Variants in ARFGEF3 observed in about 807,000 individuals in gnomAD.
ARFGEF3 encodes brefeldin A-inhibited guanine nucleotide-exchange protein 3.
A neutral mutation model predicts 221.7 loss-of-function variants in ARFGEF3; 96 were observed. The observed-to-expected ratio is 0.43, with a 90% CI of 0.37 to 0.51. The LOEUF is 0.51. Ranked by LOEUF, ARFGEF3 falls within the 20% of genes least tolerant of loss-of-function variation. The pLI, the probability that ARFGEF3 is intolerant of heterozygous loss-of-function variation, is 0.00. For synonymous variants in ARFGEF3, 1,145 were observed against 1,126.8 expected (o/e 1.02, Z -0.32); for missense variants, 2,410 against 2,789.9 (o/e 0.86, Z 3.07).
At chr6:138,269,807 CA>C (rs1163469863) in intron 12 of ARFGEF3, among the ~76,000 whole-genome samples, 1 of 148,864 alleles carries the variant, frequency 6.7e-6, no homozygotes, top group African/African-American at 2.6e-5. Flanking sequence ...AACCCTATCT[CA>C]AAAAAAGAAG....
chr6:138,334,701 C>A lies in ARFGEF3; in HGVS notation c.5855C>A (p.Thr1952Asn). 6.2e-7 allele frequency: 1 copy of A among 1,610,702 alleles called. No individual in the cohort carries two copies. The highest frequency in any genetic ancestry group is 8.5e-7 in the Non-Finnish European group (1 of 1,177,360). ...SFQSESSTPS[T>N]GGFSGKETPS... is the part of the protein sequence containing the mutation. ...CAGTCCGAGTCATCCACCCCATCCA[C>A]CGGGGGCTTCTCTGGGAAAGAAACC... is the stretch of plus-strand genomic sequence containing the variant. Residue 1952 changes from threonine to asparagine, a missense_variant, in exon 33 of 34, where the codon ACC becomes AAC. Transcript: ENST00000251691. This position sits in a 1 kb window ranked among gnomAD's most constrained non-coding sequence, Gnocchi z 5.1.
chr6:138,292,165 T>C (rs961947091), intron 19 of ARFGEF3, 112 bp downstream of exon 19: 2 of 892,352 alleles, frequency 2.2e-6, no homozygotes, highest in Non-Finnish European at 3.1e-6. Flanking sequence ...ATCACTTAAA[T>C]CTCTTCCATC....
At chr6:138,226,870 T>C (rs1454496372) in intron 4 of ARFGEF3, among the ~76,000 whole-genome samples, 1 of 152,232 alleles carries the variant, frequency 6.6e-6, no homozygotes, top group African/African-American at 2.4e-5. Flanking sequence ...CCTGGCTAGA[T>C]GCTCTGCCCT....
chr6:138,282,800 G>A (rs1000687650), intron 14 of ARFGEF3, among the ~76,000 whole-genome samples: 1 of 152,204 alleles, frequency 6.6e-6, no homozygotes, highest in Non-Finnish European at 1.5e-5. Flanking sequence ...AATAATCCTA[G>A]GACTTTGGGA....
At chr6:138,182,262 A>G (rs1777090861) in intron 2 of ARFGEF3, among the ~76,000 whole-genome samples, 2 of 152,216 alleles carry the variant, frequency 1.3e-5, no homozygotes, top group African/African-American at 4.8e-5. Flanking sequence ...TTGACTTAAT[A>G]CAGAAGATTT....
intron 2 of ARFGEF3, among the ~76,000 whole-genome samples, chr6:138,198,548 GACC>G (rs1777474384): frequency 6.6e-6 from 1 of 152,114 alleles, no homozygotes; most frequent in Non-Finnish European, 1.5e-5. Context: ...AAATGTAAAG[GACC>G]CATATTCATT....
At chr6:138,167,466 T>G (rs1406164429) in intron 1 of ARFGEF3, among the ~76,000 whole-genome samples, 3 of 152,200 alleles carry the variant, frequency 2.0e-5, no homozygotes, top group Non-Finnish European at 4.4e-5. Flanking sequence ...CTGTGTGTTC[T>G]TCCCCACCTC....
intron 12 of ARFGEF3, among the ~76,000 whole-genome samples, chr6:138,266,437 C>G (rs1475154722): frequency 6.6e-6 from 1 of 152,016 alleles, no homozygotes; most frequent in Non-Finnish European, 1.5e-5. Flanking sequence ...TGAGGCCTCA[C>G]TATGTTGTTC....
chr6:138,206,115 T>C (rs1291644664), intron 2 of ARFGEF3, among the ~76,000 whole-genome samples: 37 of 152,314 alleles, frequency 2.4e-4, no homozygotes, highest in Non-Finnish European at 2.9e-5. Context: ...CCTACTCTGG[T>C]TTAAGTGGGG....
chr6:138,172,985 C>T (rs1376216022), intron 2 of ARFGEF3, among the ~76,000 whole-genome samples: 1 of 152,052 alleles, frequency 6.6e-6, no homozygotes, highest in African/African-American at 2.4e-5. Context: ...TTACTTTAAA[C>T]ATACTTTATC....
chr6:138,270,039 G>T (rs762143118), intron 12 of ARFGEF3, among the ~76,000 whole-genome samples: 19 of 152,186 alleles, frequency 1.2e-4, no homozygotes, highest in Non-Finnish European at 2.4e-4. Context: ...TATAGTCTGA[G>T]CAAGAAGGAA....
At position 138,296,886 on chromosome 6, in the gene ARFGEF3, G is replaced by A. The variant is rs112705767; in HGVS notation, c.3579G>A (p.Val1193=). 1 of 1,614,036 alleles carries A rather than the reference G, an allele frequency of 6.2e-7. No individual in the cohort carries two copies. The highest frequency in any genetic ancestry group is 8.5e-7 in the Non-Finnish European group (1 of 1,179,894). The change falls in exon 21 of 34, where the codon GTG becomes GTA. Residue 1193 remains valine, a synonymous_variant. Transcript: ENST00000251691. ...TGGGGAATGCCATGCTGAGGATTGT[G>A]CGGAGCAAAGCACGGCCCCTGCTCC... The part of the protein sequence containing the change: ...FRLGNAMLRI[V]RSKARPLLHV...
chr6:138,176,105 C>T (rs1429693241), intron 2 of ARFGEF3, among the ~76,000 whole-genome samples: 1 of 152,062 alleles, frequency 6.6e-6, no homozygotes, highest in Non-Finnish European at 1.5e-5. Context: ...TCTTTTCCCA[C>T]CTCTGTACTT....
chr6:138,242,546 G>A (rs1778411390), intron 6 of ARFGEF3, among the ~76,000 whole-genome samples: 1 of 152,196 alleles, frequency 6.6e-6, no homozygotes, highest in South Asian at 2.1e-4. Context: ...GCCACGCACA[G>A]TATCAGCTGT....
At chr6:138,238,270 G>A (rs901690997) in intron 5 of ARFGEF3, among the ~76,000 whole-genome samples, 1 of 152,162 alleles carries the variant, frequency 6.6e-6, no homozygotes, top group African/African-American at 2.4e-5. Context: ...CCCCTATGAT[G>A]CTCAGAGGAA....
At chr6:138,185,794 C>A (rs1777171728) in intron 2 of ARFGEF3, among the ~76,000 whole-genome samples, 1 of 152,156 alleles carries the variant, frequency 6.6e-6, no homozygotes, top group Admixed American at 6.5e-5. Context: ...ACCTTGAACT[C>A]CATCATCCTT....
chr6:138,307,676 A>G (rs942608757), intron 23 of ARFGEF3, among the ~76,000 whole-genome samples: 1 of 152,206 alleles, frequency 6.6e-6, no homozygotes, highest in Non-Finnish European at 1.5e-5. Context: ...TTCACGTCTA[A>G]AGCCAAAAAG....
chr6:138,200,351 G>GCA (rs1777511103), intron 2 of ARFGEF3, among the ~76,000 whole-genome samples: 1 of 152,076 alleles, frequency 6.6e-6, no homozygotes, highest in Non-Finnish European at 1.5e-5. Flanking sequence ...AACCAAAAAA[G>GCA]AGCCCGCATA....
intron 4 of ARFGEF3, among the ~76,000 whole-genome samples, chr6:138,214,305 C>T (rs1023254244): frequency 1.3e-5 from 2 of 152,212 alleles, no homozygotes; most frequent in Non-Finnish European, 2.9e-5. Flanking sequence ...AGTCTTGGCA[C>T]TTCTACATGA....
Sources: gnomAD v4.1 joint callset for allele counts (sites outside exome capture counted in the v4.1 genomes callset) on GRCh38, gnomAD v4.1.1 for gene constraint, Gnocchi (gnomAD v3.1) non-coding constraint, MANE v1.5 for transcripts, NCBI Gene and HGNC (gene_info 2026-07-23, HGNC 2026-07-21) for gene names.